Variants in SAMSN1 observed in about 807,000 individuals in gnomAD.
The protein encoded by SAMSN1 is SAM domain-containing protein SAMSN-1.
A neutral mutation model predicts 42.0 loss-of-function variants in SAMSN1; 31 were observed. That is an observed-to-expected ratio of 0.74 (90% confidence interval 0.55 to 1.00). The LOEUF (loss-of-function observed/expected upper bound fraction) is 1.00. Among genes scored for constraint, SAMSN1 ranks in the 50% least tolerant of loss-of-function variants. The pLI is 0.00. For missense variants in SAMSN1, 464 were observed against 439.4 expected, an observed-to-expected ratio of 1.06 and a Z score of -0.50; for synonymous variants, 178 against 151.9, an observed-to-expected ratio of 1.17 and a Z score of -1.26.
intron 1 of SAMSN1, among the ~76,000 whole-genome samples, chr21:14,526,686 C>G (rs1204402198): frequency 1.3e-5 from 2 of 152,126 alleles, no homozygotes; most frequent in Non-Finnish European, 2.9e-5. Flanking sequence ...ATATACTCTC[C>G]CCTATGCCAT....
chr21:14,602,036 C>G (rs1982447802), exon 6 of SAMSN1: 1 of 688,632 alleles, frequency 1.5e-6, no homozygotes, highest in Admixed American at 2.2e-5. Flanking sequence ...ATAGGAAGTT[C>G]CTTGTAGAGT....
intron 7 of SAMSN1, among the ~76,000 whole-genome samples, chr21:14,592,828 CTTCTGT>C (rs1329134841): frequency 6.6e-6 from 1 of 152,130 alleles, no homozygotes; most frequent in Non-Finnish European, 1.5e-5. Context: ...AGTTCTCTTG[CTTCTGT>C]TTCTAATTAA....
chr21:14,526,379 C>T (rs1484419285), intron 1 of SAMSN1, among the ~76,000 whole-genome samples: 1 of 152,112 alleles, frequency 6.6e-6, no homozygotes, highest in African/African-American at 2.4e-5. Context: ...AACCTTCTTC[C>T]ACACAGTCCA....
intron 1 of SAMSN1, among the ~76,000 whole-genome samples, chr21:14,648,305 C>G (rs543329153): frequency 6.6e-6 from 1 of 152,218 alleles, no homozygotes; most frequent in East Asian, 1.9e-4. Context: ...AGACCTAAAA[C>G]CATAAAAACC....
chr21:14,563,707 C>T (rs1307623583), intron 2 of SAMSN1, among the ~76,000 whole-genome samples: 1 of 152,108 alleles, frequency 6.6e-6, no homozygotes. Context: ...GTGATTCATA[C>T]AAAGTTATAT....
intron 2 of SAMSN1, among the ~76,000 whole-genome samples, chr21:14,629,752 G>C (rs1983279252): frequency 6.6e-6 from 1 of 152,150 alleles, no homozygotes; most frequent in African/African-American, 2.4e-5. Flanking sequence ...TGTGCGAAGA[G>C]AGCTTTATAT....
chr21:14,637,570 G>A (rs1234263302), intron 2 of SAMSN1, among the ~76,000 whole-genome samples: 1 of 152,104 alleles, frequency 6.6e-6, no homozygotes, highest in Non-Finnish European at 1.5e-5. Flanking sequence ...TTGTCTTCAG[G>A]TAATCCTTCA....
intron 2 of SAMSN1, among the ~76,000 whole-genome samples, chr21:14,520,401 T>A (rs1042878859): frequency 2.6e-5 from 4 of 152,248 alleles, no homozygotes; most frequent in Non-Finnish European, 4.4e-5. Context: ...AAATACAATG[T>A]ATGTGTATGT....
intron 7 of SAMSN1, among the ~76,000 whole-genome samples, chr21:14,488,987 T>C (rs1986560889): frequency 6.6e-6 from 1 of 152,202 alleles, no homozygotes; most frequent in African/African-American, 2.4e-5. Context: ...GATTTTCCTC[T>C]TCTTGTTTCT....
chr21:14,615,839 A>G (rs904870340), intron 3 of SAMSN1: 14 of 356,090 alleles, frequency 3.9e-5, no homozygotes, highest in African/African-American at 2.2e-5. Flanking sequence ...AGCAATCCAC[A>G]TCTAGATTTG....
chr21:14,647,503 T>A (rs1425375440), intron 1 of SAMSN1, among the ~76,000 whole-genome samples: 2 of 149,204 alleles, frequency 1.3e-5, no homozygotes, highest in East Asian at 3.9e-4. Context: ...TTTAAAGTAG[T>A]TTTTTCCAAT....
At chr21:14,635,823 T>G (rs1224001268) in intron 2 of SAMSN1, among the ~76,000 whole-genome samples, 1 of 142,548 alleles carries the variant, frequency 7.0e-6, no homozygotes, top group Non-Finnish European at 1.5e-5. Context: ...GAGACAGAAT[T>G]TATTATTATT....
intron 5 of SAMSN1, among the ~76,000 whole-genome samples, chr21:14,603,178 A>T (rs985330421): frequency 6.6e-6 from 1 of 152,140 alleles, no homozygotes; most frequent in East Asian, 1.9e-4. Flanking sequence ...GGGAAAAAAA[A>T]ATATTGCCTC....
intron 6 of SAMSN1, among the ~76,000 whole-genome samples, chr21:14,596,290 AT>A (rs1162410793): frequency 5.9e-5 from 9 of 152,026 alleles, no homozygotes; most frequent in East Asian, 1.9e-4. Context: ...AGGAGATTAG[AT>A]TTTTTTTCAA....
At chr21:14,652,015 T>A (rs1188177589) in intron 1 of SAMSN1, among the ~76,000 whole-genome samples, 1 of 151,866 alleles carries the variant, frequency 6.6e-6, no homozygotes, top group Non-Finnish European at 1.5e-5. Context: ...CATAAAAAAT[T>A]TGAAAATATT....
chr21:14,636,391 C>G (rs1158712254), intron 2 of SAMSN1, among the ~76,000 whole-genome samples: 1 of 152,158 alleles, frequency 6.6e-6, no homozygotes, highest in African/African-American at 2.4e-5. Flanking sequence ...ACTCCTCACC[C>G]CACTGCCACC....
Position 14,486,087 on chromosome 21 carries a change from T to G in SAMSN1, c.947A>C (p.Glu316Ala). The change falls in exon 8 of 8, where the codon GAG (glutamate) becomes GCG (alanine). Residue 316 changes from glutamate (E) to alanine (A), a missense_variant. Physicochemically the swap from Glu to Ala is moderately radical, Grantham distance 107. Transcript: ENST00000400566. ...GATGTCTGAGCTCAAGGATAGGGGC[T>G]CAGGTTCATTTTCTTGCTCTTGAAT... ...EIIQEQENEPEPLSLSSDISL... is the reference protein window; with the variant it reads ...EIIQEQENEPAPLSLSSDISL... 1 of 1,613,484 alleles carries G rather than the reference T, an allele frequency of 6.2e-7. No homozygotes were observed. Among genetic ancestry groups the G allele is most frequent in the Non-Finnish European group, 8.5e-7 (1 of 1,179,640 alleles).
At chr21:14,564,333 T>C (rs1466167569) in intron 2 of SAMSN1, among the ~76,000 whole-genome samples, 1 of 152,172 alleles carries the variant, frequency 6.6e-6, no homozygotes, top group Non-Finnish European at 1.5e-5. Flanking sequence ...GAAGGGAGAT[T>C]TCTTGGAAGA....
upstream of SAMSN1, among the ~76,000 whole-genome samples, chr21:14,587,302 A>C (rs1478628420): frequency 6.6e-6 from 1 of 152,102 alleles, no homozygotes; most frequent in African/African-American, 2.4e-5. Context: ...TATCTCATCT[A>C]TCAGCTTTCA....
Sources: gnomAD v4.1 joint callset for allele counts (sites outside exome capture counted in the v4.1 genomes callset) on GRCh38, gnomAD v4.1.1 for gene constraint, MANE v1.5 for transcripts, NCBI Gene and HGNC (gene_info 2026-07-23, HGNC 2026-07-21) for gene names.